The following SPATA13 variants were observed in gnomAD, a reference collection of about 807,000 sequenced individuals.
SPATA13 encodes spermatogenesis associated 13, also known as spermatogenesis-associated protein 13.
A neutral mutation model predicts 104.0 loss-of-function variants in SPATA13; 50 were observed. The observed-to-expected ratio is 0.48, with a 90% confidence interval of 0.38 to 0.61. SPATA13 has a LOEUF of 0.61. SPATA13 is among the 20% of genes least tolerant of loss of function. The pLI, the probability that SPATA13 is intolerant of heterozygous loss-of-function variation, is 0.00. For synonymous variants in SPATA13, 606 were observed against 667.5 expected, an observed-to-expected ratio of 0.91 and a Z score of 1.42; for missense variants, 1,524 against 1,690.6, an observed-to-expected ratio of 0.90 and a Z score of 1.73.
chr13:24,201,313 GAAAAACTACCCC>G, intron 1 of SPATA13, among the ~76,000 whole-genome samples: 1 of 151,912 alleles, frequency 6.6e-6, no homozygotes, highest in Non-Finnish European at 1.5e-5. Context: ...TAGGTTTATA[GAAAAACTACCCC>G]CTCTCCCCTG....
intron 2 of SPATA13, among the ~76,000 whole-genome samples, chr13:24,237,388 T>C (rs1872622851): frequency 6.6e-6 from 1 of 151,908 alleles, no homozygotes; most frequent in Non-Finnish European, 1.5e-5. Context: ...AAAAAAAACA[T>C]GCTGCAGCAT....
At chr13:24,293,518 C>A (rs949618128) in intron 9 of SPATA13, among the ~76,000 whole-genome samples, 1 of 152,172 alleles carries the variant, frequency 6.6e-6, no homozygotes, top group African/African-American at 2.4e-5. Context: ...TCACCAAGAG[C>A]ATTTGCAGAT....
chr13:24,188,926 T>C (rs1296909242), intron 1 of SPATA13, among the ~76,000 whole-genome samples: 1 of 152,202 alleles, frequency 6.6e-6, no homozygotes, highest in African/African-American at 2.4e-5. Flanking sequence ...CTACTCTGCC[T>C]GTGTTCCATA....
intron 3 of SPATA13, among the ~76,000 whole-genome samples, chr13:24,119,065 CCTG>C (rs1277143585): frequency 6.6e-6 from 1 of 152,032 alleles, no homozygotes; most frequent in Non-Finnish European, 1.5e-5. Flanking sequence ...GCCACCGCTC[CCTG>C]CTAATTTTTT....
In SPATA13 at chr13:24,122,015, C is replaced by T. The variant is rs750731452; in HGVS notation, c.-111-100804C>T. ...ACCACTTCTGGAACCACTGCTAGGACGAACACAAGCTCTTCACTACAATCA... is the reference window on the plus strand; with the variant it reads ...ACCACTTCTGGAACCACTGCTAGGATGAACACAAGCTCTTCACTACAATCA... On this transcript the variant is annotated intron_variant, in intron 3 of 14. Transcript: ENST00000424834. 3.8e-4 allele frequency: 489 copies of T among 1,285,334 alleles called. 4 individuals are homozygous for T. Among genetic ancestry groups the T allele is most frequent in the South Asian group, 2.4e-3 (200 of 84,316 alleles). 79.6% of individuals were successfully genotyped at this position (1,285,334 alleles called of 1,614,324 possible).
chr13:24,221,922 C>T (rs1434052440), intron 1 of SPATA13, among the ~76,000 whole-genome samples: 3 of 150,944 alleles, frequency 2.0e-5, no homozygotes, highest in Admixed American at 1.3e-4. Flanking sequence ...AAGCGATTCT[C>T]CTGCTTCAGC....
At chr13:23,992,755 C>T (rs1213411619) in intron 2 of SPATA13, among the ~76,000 whole-genome samples, 1 of 152,178 alleles carries the variant, frequency 6.6e-6, no homozygotes, top group African/African-American at 2.4e-5. Context: ...TCCTGGCAAA[C>T]TCACATCCAT....
intron 4 of SPATA13, among the ~76,000 whole-genome samples, chr13:24,262,135 G>A (rs1874088633): frequency 1.3e-5 from 2 of 152,146 alleles, no homozygotes; most frequent in East Asian, 3.9e-4. Context: ...CATTTAGGAA[G>A]TAGGGGAATT....
At chr13:24,208,861 A>G (rs1870858543) in intron 1 of SPATA13, among the ~76,000 whole-genome samples, 1 of 152,232 alleles carries the variant, frequency 6.6e-6, no homozygotes, top group African/African-American at 2.4e-5. Context: ...TGAGAGTCTC[A>G]AGAGGTGAAT....
At chr13:24,265,437 G>C (rs1874255948) in intron 4 of SPATA13, among the ~76,000 whole-genome samples, 1 of 152,174 alleles carries the variant, frequency 6.6e-6, no homozygotes, top group South Asian at 2.1e-4. Flanking sequence ...GATGATTTAG[G>C]GGAATGGACA....
In SPATA13 at chr13:24,270,726, C is replaced by G. The variant is rs180924425; in HGVS notation, c.2165-13409C>G. 5.3e-4 allele frequency: 812 copies of G among 1,540,322 alleles called. 3 individuals are homozygous for G. In the Middle Eastern group the frequency reaches 5.5e-3, roughly 11 times the overall value. ...CTCTGGCCGGGAACGCATACAACGT[C>G]AAAGCAGTGAATAAGCGATTTCTGC... On this transcript the variant is annotated intron_variant, in intron 4 of 12. Transcript: ENST00000382108.
intron 1 of SPATA13, among the ~76,000 whole-genome samples, chr13:24,217,418 TG>T (rs1213889754): frequency 6.6e-6 from 1 of 152,158 alleles, no homozygotes; most frequent in Non-Finnish European, 1.5e-5. Context: ...GCCCAGATGT[TG>T]GGGTATCAGA....
intron 3 of SPATA13, among the ~76,000 whole-genome samples, chr13:24,060,947 G>C (rs553333224): frequency 1.3e-5 from 2 of 152,280 alleles, no homozygotes; most frequent in Middle Eastern, 3.4e-3. Context: ...GCTAAGACCG[G>C]AGAATCACTT....
chr13:24,000,197 C>G (rs1875889256), intron 2 of SPATA13, among the ~76,000 whole-genome samples: 1 of 152,172 alleles, frequency 6.6e-6, no homozygotes, highest in Non-Finnish European at 1.5e-5. Context: ...GGACATTGTG[C>G]CCTGAAAGAG....
At chr13:24,229,286 C>G (rs371321815) in intron 2 of SPATA13, among the ~76,000 whole-genome samples, 3 of 152,144 alleles carry the variant, frequency 2.0e-5, no homozygotes, top group Non-Finnish European at 4.4e-5. Flanking sequence ...TGATGACAAC[C>G]AATTGGACCC....
intron 1 of SPATA13, chr13:23,983,689 G>T (rs147068407): frequency 2.0e-5 from 3 of 152,612 alleles, no homozygotes; most frequent in African/African-American, 7.3e-5. Flanking sequence ...TCTATATCTA[G>T]CTTGCTTCAT....
intron 1 of SPATA13, among the ~76,000 whole-genome samples, chr13:24,168,469 G>T (rs1474481482): frequency 6.6e-6 from 1 of 152,180 alleles, no homozygotes; most frequent in African/African-American, 2.4e-5. Context: ...GTACACTTCA[G>T]TGTTTGTTGC....
chr13:24,110,603 T>G (rs1880608237), intron 3 of SPATA13, among the ~76,000 whole-genome samples: 1 of 152,180 alleles, frequency 6.6e-6, no homozygotes, highest in African/African-American at 2.4e-5. Flanking sequence ...TTGTTATTCA[T>G]TCATCAAACC....
At chr13:24,056,175 C>T (rs545702833) in intron 3 of SPATA13, among the ~76,000 whole-genome samples, 4 of 152,266 alleles carry the variant, frequency 2.6e-5, no homozygotes, top group African/African-American at 9.6e-5. Context: ...GGAAGTGAGT[C>T]AGTTTGTATC....
Sources: gnomAD v4.1 joint callset for allele counts (sites outside exome capture counted in the v4.1 genomes callset) on GRCh38, gnomAD v4.1.1 for gene constraint, MANE v1.5 for transcripts, NCBI Gene and HGNC (gene_info 2026-07-23, HGNC 2026-07-21) for gene names.